Variants in CNBD1 observed in about 807,000 individuals in gnomAD.
The protein encoded by CNBD1 is cyclic nucleotide-binding domain-containing protein 1.
CNBD1 carries 71 observed loss-of-function variants against 54.4 expected under a neutral mutation model. The ratio of observed to expected loss-of-function variants is 1.30; its 90% confidence interval spans 1.08 to 1.59. CNBD1 has a LOEUF of 1.59. Among genes scored for constraint, CNBD1 ranks in the 40% most tolerant of loss-of-function variants. The pLI, the probability that CNBD1 is intolerant of heterozygous loss-of-function variation, is 0.00. For missense variants in CNBD1, 659 were observed against 518.0 expected, an observed-to-expected ratio of 1.27 and a Z score of -2.64; for synonymous variants, 182 against 170.7, an observed-to-expected ratio of 1.07 and a Z score of -0.51.
At chr8:86,892,960 G>T (rs1248649444) in intron 2 of CNBD1, among the ~76,000 whole-genome samples, 1 of 152,140 alleles carries the variant, frequency 6.6e-6, no homozygotes, top group African/African-American at 2.4e-5. Flanking sequence ...GTTTGGAAGA[G>T]AAAGGAAAGG....
At chr8:87,250,832 C>G (rs1278882784) in intron 6 of CNBD1, among the ~76,000 whole-genome samples, 1 of 152,050 alleles carries the variant, frequency 6.6e-6, no homozygotes, top group East Asian at 1.9e-4. Context: ...AGAAAGATAG[C>G]AGGGATTGGG....
At chr8:87,321,723 T>C (rs1440835822) in intron 8 of CNBD1, among the ~76,000 whole-genome samples, 4 of 152,126 alleles carry the variant, frequency 2.6e-5, no homozygotes, top group African/African-American at 9.7e-5. Flanking sequence ...TTTTTGCTTT[T>C]TTGTGCCTGT....
intron 4 of CNBD1, among the ~76,000 whole-genome samples, chr8:87,104,945 T>G (rs577136806): frequency 1.3e-5 from 2 of 152,318 alleles, no homozygotes; most frequent in Non-Finnish European, 2.9e-5. Context: ...AGAATTGTCA[T>G]CCAATAAATG....
chr8:87,161,763 T>G (rs1192549404), intron 4 of CNBD1, among the ~76,000 whole-genome samples: 1 of 152,136 alleles, frequency 6.6e-6, no homozygotes, highest in Non-Finnish European at 1.5e-5. Flanking sequence ...TAATTCAACT[T>G]ATGTAAGCAC....
Position 87,317,606 on chromosome 8 carries a change from T to C in CNBD1, c.1042+30935T>C, listed in dbSNP as rs545677382. Reference sequence around the variant, plus strand: ...AACTTAATTCCATTTTGGCCAAAGATCATGTTTTGTATTATTTGAATTGCC... The same window carrying C: ...AACTTAATTCCATTTTGGCCAAAGACCATGTTTTGTATTATTTGAATTGCC... On this transcript the variant is annotated intron_variant, in intron 8 of 10. Coordinates refer to ENST00000518476, the MANE Select transcript of CNBD1 (RefSeq NM_173538.3). 2.0e-5 allele frequency among the ~76,000 whole-genome samples: 3 copies of C among 152,054 alleles called. No individual in the cohort carries two copies. In the East Asian group the frequency reaches 5.8e-4, roughly 29 times the overall value.
chr8:87,399,228 G>T (rs1460177725), intron 2 of CNBD1, among the ~76,000 whole-genome samples: 1 of 151,918 alleles, frequency 6.6e-6, no homozygotes, highest in Admixed American at 6.6e-5. Flanking sequence ...ATGAGACATG[G>T]TACTCAATAA....
chr8:87,172,981 G>A (rs1813121005), intron 4 of CNBD1, among the ~76,000 whole-genome samples: 1 of 151,522 alleles, frequency 6.6e-6, no homozygotes, highest in Admixed American at 6.6e-5. Context: ...TTAGTGAAGG[G>A]GATTTTTCTC....
chr8:86,948,885 T>C (rs1022701795), intron 4 of CNBD1, among the ~76,000 whole-genome samples: 2 of 152,208 alleles, frequency 1.3e-5, no homozygotes, highest in Non-Finnish European at 2.9e-5. Flanking sequence ...TTTCATAGTT[T>C]GTGTTCTTAG....
chr8:87,012,947 G>C (rs1025843499), intron 4 of CNBD1, among the ~76,000 whole-genome samples: 1 of 152,304 alleles, frequency 6.6e-6, no homozygotes, highest in East Asian at 1.9e-4. Flanking sequence ...CCTCCTGAGG[G>C]CTATGTCATA....
intron 4 of CNBD1, among the ~76,000 whole-genome samples, chr8:87,030,290 T>C (rs1809752885): frequency 6.6e-6 from 1 of 152,186 alleles, no homozygotes; most frequent in African/African-American, 2.4e-5. Context: ...TGTAAGAATA[T>C]TTACATTTTC....
At chr8:87,409,299 C>T (rs1807701318) in intron 2 of CNBD1, among the ~76,000 whole-genome samples, 1 of 152,112 alleles carries the variant, frequency 6.6e-6, no homozygotes, top group Non-Finnish European at 1.5e-5. Context: ...AACACTCCCT[C>T]AAGCCTCAGC....
At chr8:86,891,890 C>A (rs958489127) in intron 2 of CNBD1, among the ~76,000 whole-genome samples, 4 of 151,918 alleles carry the variant, frequency 2.6e-5, no homozygotes, top group Non-Finnish European at 4.4e-5. Flanking sequence ...AGAAGCATGA[C>A]TAATTTTTGT....
intron 4 of CNBD1, among the ~76,000 whole-genome samples, chr8:86,963,374 C>G (rs993755862): frequency 3.9e-5 from 6 of 152,176 alleles, no homozygotes; most frequent in Non-Finnish European, 7.3e-5. Context: ...TGCACTGTGC[C>G]CTTCGACTCC....
chr8:87,395,457 A>C (rs1359593760), intron 2 of CNBD1, among the ~76,000 whole-genome samples: 1 of 151,956 alleles, frequency 6.6e-6, no homozygotes, highest in African/African-American at 2.4e-5. Context: ...TTCATTTTCT[A>C]ATATGTGCCA....
chr8:86,969,946 T>TC (rs1172511367), intron 4 of CNBD1, among the ~76,000 whole-genome samples: 1 of 151,996 alleles, frequency 6.6e-6, no homozygotes, highest in Non-Finnish European at 1.5e-5. Flanking sequence ...TCATTTTTTT[T>TC]CTGCCTGAAA....
intron 3 of CNBD1, among the ~76,000 whole-genome samples, chr8:86,910,180 A>G (rs1490914930): frequency 2.6e-5 from 4 of 152,172 alleles, no homozygotes; most frequent in Non-Finnish European, 5.9e-5. Context: ...ATTAAAAAAA[A>G]GTTGCCTATT....
At chr8:87,271,868 A>G (rs994397038) in intron 6 of CNBD1, among the ~76,000 whole-genome samples, 4 of 151,492 alleles carry the variant, frequency 2.6e-5, no homozygotes, top group Non-Finnish European at 4.4e-5. Flanking sequence ...GTGTCCATCA[A>G]TGGATGAATG....
At chr8:87,017,947 C>A (rs1483729463) in intron 4 of CNBD1, among the ~76,000 whole-genome samples, 1 of 152,114 alleles carries the variant, frequency 6.6e-6, no homozygotes, top group Non-Finnish European at 1.5e-5. Flanking sequence ...GTAAAACCAA[C>A]TTTAAAAAAA....
intron 6 of CNBD1, among the ~76,000 whole-genome samples, chr8:87,257,925 CGTTA>C (rs1808054304): frequency 6.7e-6 from 1 of 149,758 alleles, no homozygotes; most frequent in African/African-American, 2.5e-5. Context: ...AACATAATAA[CGTTA>C]ATTATGATTG....
Sources: allele counts gnomAD v4.1 joint callset (sites outside exome capture counted in the v4.1 genomes callset), GRCh38; gene constraint gnomAD v4.1.1; transcripts MANE v1.5; gene names NCBI Gene and HGNC (gene_info 2026-07-23, HGNC 2026-07-21).